Variants in ZNF503 observed in about 807,000 individuals in gnomAD.
ZNF503 encodes zinc finger protein 503, also known as NocA-like zinc finger 2.
In ZNF503, 15 loss-of-function variants were observed where a neutral mutation model predicts 34.4. The ratio of observed to expected loss-of-function variants is 0.44; its 90% CI spans 0.29 to 0.67. ZNF503 has a LOEUF of 0.67. ZNF503 is among the 30% of genes least tolerant of loss of function. The probability of loss-of-function intolerance (pLI) is 0.13; values close to 1 mark genes in which losing one functional copy is unlikely to be tolerated. For synonymous variants in ZNF503, 580 were observed against 456.8 expected, an observed-to-expected ratio of 1.27 and a Z score of -3.44; for missense variants, 1,007 against 926.8, an observed-to-expected ratio of 1.09 and a Z score of -1.12.
chr10:75,400,004 G>T lies in ZNF503; in HGVS notation c.686C>A (p.Pro229Gln). The T allele has an allele frequency of 6.2e-7, 1 of 1,604,882 alleles. No homozygotes were observed. Among genetic ancestry groups the T allele is most frequent in the Non-Finnish European group, 8.5e-7 (1 of 1,178,974 alleles). Residue 229 changes from proline (P) to glutamine (Q), a missense_variant, in exon 2 of 2, where the codon CCG becomes CAG. Coordinates refer to ENST00000372524, the MANE Select transcript of ZNF503 (RefSeq NM_032772.6). The stretch of plus-strand genomic sequence containing the variant: ...CGAGCAGGCCGAGGCGCTGGAGCTC[G>T]GGCTGCCTGTCCTGGGCGTGAATGG... ...CQPFTPRTGS[P>Q]SSSASACSPG...
the ZNF503 span, among the ~76,000 whole-genome samples, chr10:75,388,712 T>C: frequency 6.6e-6 from 1 of 152,318 alleles, no homozygotes; most frequent in East Asian, 1.9e-4. Flanking sequence ...GTTGCACAAG[T>C]GTACACTGGG....
At chr10:75,290,866 C>A in the ZNF503 span, among the ~76,000 whole-genome samples, 1 of 152,158 alleles carries the variant, frequency 6.6e-6, no homozygotes, top group African/African-American at 2.4e-5. Context: ...AATCATCCAG[C>A]CTCTGCTTGA....
the ZNF503 span, among the ~76,000 whole-genome samples, chr10:75,365,498 C>G: frequency 1.3e-5 from 2 of 152,192 alleles, no homozygotes; most frequent in Admixed American, 1.3e-4. Context: ...ATTCAAGCTG[C>G]ATTTTTGGAA....
chr10:75,339,343 G>A, the ZNF503 span, among the ~76,000 whole-genome samples: 18 of 152,188 alleles, frequency 1.2e-4, no homozygotes, highest in African/African-American at 2.2e-4. Context: ...TCAGGTGGCC[G>A]TCAGAAGAGG....
the ZNF503 span, among the ~76,000 whole-genome samples, chr10:75,309,255 C>T: frequency 3.9e-5 from 6 of 152,276 alleles, 1 homozygote; most frequent in East Asian, 5.8e-4. Context: ...CAGAAAATTT[C>T]GTAAACTTAG....
chr10:75,302,349 C>T, the ZNF503 span, among the ~76,000 whole-genome samples: 1 of 147,148 alleles, frequency 6.8e-6, no homozygotes, highest in South Asian at 2.2e-4. Context: ...GTGTAGATCT[C>T]TTTTTATATA....
chr10:75,354,976 C>A, the ZNF503 span, among the ~76,000 whole-genome samples: 1 of 152,092 alleles, frequency 6.6e-6, no homozygotes, highest in South Asian at 2.1e-4. Context: ...GCAGCTGGGA[C>A]TACAGGCATG....
At chr10:75,356,326 C>T in the ZNF503 span, among the ~76,000 whole-genome samples, 3 of 152,212 alleles carry the variant, frequency 2.0e-5, no homozygotes, top group Non-Finnish European at 4.4e-5. Flanking sequence ...ACGCCATTCT[C>T]CTGCCTCAGC....
the ZNF503 span, among the ~76,000 whole-genome samples, chr10:75,377,494 T>C: frequency 6.6e-6 from 1 of 152,060 alleles, no homozygotes; most frequent in South Asian, 2.1e-4. Context: ...ATCATGGCAG[T>C]TGGTGGGCTA....
At chr10:75,319,154 C>T in the ZNF503 span, among the ~76,000 whole-genome samples, 1 of 152,176 alleles carries the variant, frequency 6.6e-6, no homozygotes, top group African/African-American at 2.4e-5. Flanking sequence ...TTTGTAGAGA[C>T]AGGGTTTTGC....
the ZNF503 span, among the ~76,000 whole-genome samples, chr10:75,332,180 T>G: frequency 6.6e-6 from 1 of 152,078 alleles, no homozygotes. Flanking sequence ...TGGCTCGATG[T>G]TTTTTGTTTT....
the ZNF503 span, among the ~76,000 whole-genome samples, chr10:75,344,043 C>T: frequency 8.5e-5 from 13 of 152,202 alleles, no homozygotes; most frequent in African/African-American, 3.1e-4. Flanking sequence ...CTTTGCCTGC[C>T]TTGTCCTTAA....
At position 75,401,584 on chromosome 10, in the gene ZNF503, C is replaced by G; in HGVS notation, c.-165G>C. ...CCTTCTCGGCGCCTGGAGCCAGACG[C>G]GAGTAATCCTGGGTGGCCCGCAGCG... On this transcript the variant is annotated 5_prime_UTR_variant, in exon 1 of 2. Transcript: ENST00000372524. 1.2e-6 allele frequency: 1 copy of G among 801,688 alleles called. No homozygotes were observed. The highest frequency in any genetic ancestry group is 2.0e-6 in the Non-Finnish European group (1 of 511,366). The allele number at this position is 801,688 out of a possible 1,614,324, so 49.7% of individuals were successfully genotyped here.
the ZNF503 span, among the ~76,000 whole-genome samples, chr10:75,381,802 ATTCT>A: frequency 2.4e-5 from 1 of 41,376 alleles, no homozygotes; most frequent in South Asian, 6.4e-4. Context: ...ACAGAACCTA[ATTCT>A]TTTTTTTTTT....
At chr10:75,347,109 A>T in the ZNF503 span, among the ~76,000 whole-genome samples, 3 of 152,248 alleles carry the variant, frequency 2.0e-5, no homozygotes, top group African/African-American at 7.2e-5. Context: ...TAAATGAGTT[A>T]TATACACATA....
chr10:75,399,213 G>A lies in ZNF503; in HGVS notation c.1477C>T (p.Pro493Ser). ...TAAAAAGATP[P>S]SLAGHPLYPY... is the part of the protein sequence containing the mutation. The stretch of plus-strand genomic sequence containing the variant: ...TAGAGGGGGTGGCCGGCCAGGGAGG[G>A]CGGTGTGGCGCCAGCAGCCGCGGCG... The change falls in exon 2 of 2, where the codon CCC becomes TCC. Residue 493 changes from proline (P) to serine (S), a missense_variant. Coordinates refer to ENST00000372524, the MANE Select transcript of ZNF503 (RefSeq NM_032772.6). 1.3e-6 allele frequency: 2 copies of A among 1,594,936 alleles called. No homozygotes were observed. Among genetic ancestry groups the A allele is most frequent in the South Asian group, 1.1e-5 (1 of 88,428 alleles).
chr10:75,390,039 C>G, the ZNF503 span, among the ~76,000 whole-genome samples: 2 of 151,190 alleles, frequency 1.3e-5, no homozygotes, highest in Non-Finnish European at 3.0e-5. Flanking sequence ...ACTACAGGCA[C>G]CCCCCCACCA....
the ZNF503 span, among the ~76,000 whole-genome samples, chr10:75,286,818 G>C: frequency 6.6e-6 from 1 of 152,182 alleles, no homozygotes; most frequent in Non-Finnish European, 1.5e-5. Context: ...GGGCTGCGTC[G>C]CCTCTCCAGA....
the ZNF503 span, among the ~76,000 whole-genome samples, chr10:75,315,612 A>G: frequency 0.031 from 4,699 of 152,258 alleles, 230 homozygotes; most frequent in African/African-American, 0.11. Flanking sequence ...AGAGAAAGGA[A>G]TCAAAGCGTA....
Sources: allele counts gnomAD v4.1 joint callset (sites outside exome capture counted in the v4.1 genomes callset), GRCh38; gene constraint gnomAD v4.1.1; transcripts MANE v1.5; gene names NCBI Gene and HGNC (gene_info 2026-07-23, HGNC 2026-07-21).